PIEZO2: variants seen among roughly 807,000 people sequenced by gnomAD.
The protein encoded by PIEZO2 is piezo type mechanosensitive ion channel component 2.
In PIEZO2, 172 loss-of-function variants were observed where a neutral mutation model predicts 337.3. The observed-to-expected ratio is 0.51, with a 90% confidence interval of 0.45 to 0.58. The LOEUF is 0.58. Among genes scored for constraint, PIEZO2 ranks in the 20% least tolerant of loss-of-function variants. PIEZO2 has a pLI of 0.00. For synonymous variants in PIEZO2, 1,251 were observed against 1,228.5 expected, an observed-to-expected ratio of 1.02 and a Z score of -0.38; for missense variants, 3,028 against 3,391.3, an observed-to-expected ratio of 0.89 and a Z score of 2.66.
chr18:10,936,188 C>T (rs78978645), intron 3 of PIEZO2, among the ~76,000 whole-genome samples: 197 of 152,300 alleles, frequency 1.3e-3, no homozygotes, highest in African/African-American at 4.5e-3. Context: ...TGCTTTCTTT[C>T]GCAAAGCATG....
At chr18:10,817,469 T>C (rs2040395176) in intron 7 of PIEZO2, among the ~76,000 whole-genome samples, 1 of 152,146 alleles carries the variant, frequency 6.6e-6, no homozygotes, top group Non-Finnish European at 1.5e-5. Flanking sequence ...AGGCAGAGTG[T>C]AAAAAATTTA....
chr18:10,848,092 A>G lies in PIEZO2; in HGVS notation c.917+7261T>C, dbSNP rs925950946. Among the ~76,000 whole-genome samples the G allele has an allele frequency of 2.6e-5, 4 of 152,218 alleles. No homozygotes were observed. The South Asian group carries it at 8.3e-4, about 32-fold the overall frequency. Reference sequence around the variant, plus strand: ...AATGCAAGACAGGCACACTCTAGCAATCTTGATGGGGTGCAAAAGTACATT... The same window carrying G: ...AATGCAAGACAGGCACACTCTAGCAGTCTTGATGGGGTGCAAAAGTACATT... On this transcript the variant is annotated intron_variant, in intron 7 of 55. Coordinates refer to ENST00000674853, the MANE Select transcript of PIEZO2 (RefSeq NM_001378183.1).
chr18:10,755,924 T>A (rs1305861462), intron 27 of PIEZO2, among the ~76,000 whole-genome samples: 1 of 138,246 alleles, frequency 7.2e-6, no homozygotes, highest in African/African-American at 2.8e-5. Flanking sequence ...GGAGGAGGGA[T>A]GGGGGATAAG....
In PIEZO2 at chr18:11,049,646, G is replaced by A. The variant is rs115278444; in HGVS notation, c.160+16481C>T. The stretch of plus-strand genomic sequence containing the variant: ...GTGGTGGAAGGTAACTGAATCATGG[G>A]GATGGTTTCCCCCATACTGTTCTCA... On this transcript the variant is annotated intron_variant, in intron 2 of 55. Transcript: ENST00000674853. Among the ~76,000 whole-genome samples, 1,345 of 152,236 alleles carry A rather than the reference G, an allele frequency of 8.8e-3. 21 individuals are homozygous for A. Among genetic ancestry groups the A allele is most frequent in the African/African-American group, 0.031 (1,285 of 41,542 alleles).
rs2033814448 is a variant in PIEZO2, at chr18:10,672,299, T to C, written c.8345+391A>G. On this transcript the variant is annotated intron_variant, in intron 55 of 55. Coordinates refer to ENST00000674853, the MANE Select transcript of PIEZO2 (RefSeq NM_001378183.1). The surrounding 1 kb of genome is among the most constrained non-coding windows in gnomAD (Gnocchi z 4.7). The stretch of plus-strand genomic sequence containing the variant: ...ATGTGCGTGTCCTAGGATTTAAGCA[T>C]CAGAACATGATGCGATGTTTCAGAA... Among the ~76,000 whole-genome samples the C allele has an allele frequency of 6.6e-6, 1 of 152,152 alleles. No individual in the cohort carries two copies. Among genetic ancestry groups the C allele is most frequent in the South Asian group, 2.1e-4 (1 of 4,826 alleles).
rs2298742 is a variant in PIEZO2, at chr18:10,713,089, C to T, written c.5423+1675G>A. On this transcript the variant is annotated intron_variant, in intron 39 of 55. Coordinates refer to ENST00000674853, the MANE Select transcript of PIEZO2 (RefSeq NM_001378183.1). The surrounding 1 kb of genome is among the most constrained non-coding windows in gnomAD (Gnocchi z 4.5). ...ACACCCATGCACAGTGTTATCTGCA[C>T]GAATATTACTTCTAAATCAATCTAG... 0.055 allele frequency among the ~76,000 whole-genome samples: 8,438 copies of T among 152,042 alleles called. 449 individuals are homozygous for T. The highest frequency in any genetic ancestry group is 0.21 in the East Asian group (1,099 of 5,166).
intron 1 of PIEZO2, among the ~76,000 whole-genome samples, chr18:11,073,674 G>A (rs2038423842): frequency 6.6e-6 from 1 of 152,152 alleles, no homozygotes; most frequent in Non-Finnish European, 1.5e-5. Flanking sequence ...ACAGATGGCA[G>A]TCACAATTTT....
intron 45 of PIEZO2, 84 bp downstream of exon 45, chr18:10,697,664 C>G (rs954526641): frequency 6.6e-7 from 1 of 1,518,822 alleles, no homozygotes; most frequent in Non-Finnish European, 8.9e-7. Context: ...AGTTACTTCT[C>G]TGCTCTGCTC....
rs370437928 is a variant in PIEZO2 at position 10,680,194 on chromosome 18, A to G, written c.7952+5T>C. The stretch of plus-strand genomic sequence containing the variant: ...ATAAATTATACATGGAAATACAGTA[A>G]CTACCTCTGAATACTCCATGAAAAA... On this transcript the variant is annotated splice_donor_5th_base_variant and intron_variant, in intron 52 of 55. Transcript: ENST00000674853. 2.5e-6 allele frequency: 4 copies of G among 1,606,140 alleles called. No homozygotes were observed. In the African/African-American group the frequency reaches 5.4e-5, roughly 22 times the overall value.
rs2040818168 is a variant in PIEZO2 at position 11,146,609 on chromosome 18, CA to C, written c.64+1915del. Among the ~76,000 whole-genome samples, 1 of 152,204 alleles carries C rather than the reference CA, an allele frequency of 6.6e-6. No individual in the cohort carries two copies. The highest frequency in any genetic ancestry group is 2.4e-5 in the African/African-American group (1 of 41,462). ...AACCTTTAGTAGGACTGACAGGCCC[CA>C]ACCCCAGCATCCGCGGGGCTTGGAG... On this transcript the variant is annotated intron_variant, in intron 1 of 55. Coordinates refer to ENST00000674853, the MANE Select transcript of PIEZO2 (RefSeq NM_001378183.1). This position sits in a 1 kb window ranked among gnomAD's most constrained non-coding sequence, Gnocchi z 6.1.
Position 10,789,491 on chromosome 18 carries a change from T to C in PIEZO2, c.1883-126A>G, listed in dbSNP as rs999629560. On this transcript the variant is annotated intron_variant, in intron 14 of 55. Transcript: ENST00000674853. ...AGTTATTGTATAATTTGGATGATTT[T>C]AGACTATTCTCATAAACTCAGCAAC... 3 of 1,138,746 alleles carry C rather than the reference T, an allele frequency of 2.6e-6. No individual in the cohort carries two copies. The African/African-American group carries it at 4.7e-5, about 18-fold the overall frequency. 70.5% of individuals were successfully genotyped at this position (1,138,746 alleles called of 1,614,324 possible). A position where few individuals can be genotyped will look rare whatever the true frequency, so the allele number is the denominator to read the frequency against.
rs368463959 is a variant in PIEZO2, at chr18:11,019,698, C to T, written c.161-40038G>A. Among the ~76,000 whole-genome samples, 62 of 152,260 alleles carry T rather than the reference C, an allele frequency of 4.1e-4. 1 individual carries two copies. Among genetic ancestry groups the T allele is most frequent in the African/African-American group, 1.5e-3 (61 of 41,548 alleles). On this transcript the variant is annotated intron_variant, in intron 2 of 55. Coordinates refer to ENST00000674853, the MANE Select transcript of PIEZO2 (RefSeq NM_001378183.1). ...AGGCTGGACAGAGTGCACTTACCCC[C>T]CTACCCCAACACACAAGGGAGCAAT...
chr18:10,769,060 T>C (rs1220492345), intron 21 of PIEZO2, among the ~76,000 whole-genome samples: 1 of 152,246 alleles, frequency 6.6e-6, no homozygotes, highest in Non-Finnish European at 1.5e-5. Context: ...TCTCTGTGCA[T>C]TTTTTGTCAA....
Position 10,735,292 on chromosome 18 carries a change from C to CA in PIEZO2, c.4853dup (p.Leu1618PhefsTer7), listed in dbSNP as rs1414429753. ...TGGGAAGTTTAATGACAGACTTTGG[C>CA]AAGGCTAAAATGGCTGATGCAAACT... On this transcript the variant is annotated frameshift_variant, in exon 35 of 56. Transcript: ENST00000674853. LOFTEE classifies it high-confidence loss of function. 6.6e-6 allele frequency among the ~76,000 whole-genome samples: 1 copy of CA among 152,130 alleles called. No homozygotes were observed. Among genetic ancestry groups the CA allele is most frequent in the Non-Finnish European group, 1.5e-5 (1 of 68,034 alleles).
intron 47 of PIEZO2, among the ~76,000 whole-genome samples, chr18:10,692,237 G>A (rs532624038): frequency 6.6e-6 from 1 of 152,154 alleles, no homozygotes; most frequent in Admixed American, 6.5e-5. Flanking sequence ...TGAGCTATAG[G>A]ACCACTTTAA....
intron 4 of PIEZO2, among the ~76,000 whole-genome samples, chr18:10,896,026 C>T (rs771133699): frequency 2.7e-5 from 4 of 147,240 alleles, no homozygotes; most frequent in South Asian, 2.1e-4. Context: ...TGCCATTGCA[C>T]TCCAACCTGA....
At chr18:11,008,204 G>T (rs991882756) in intron 2 of PIEZO2, among the ~76,000 whole-genome samples, 1 of 152,030 alleles carries the variant, frequency 6.6e-6, no homozygotes, top group East Asian at 1.9e-4. Flanking sequence ...TTGCTAAATT[G>T]TCTAGATACT....
At chr18:11,123,088 C>G (rs2040077190) in intron 1 of PIEZO2, among the ~76,000 whole-genome samples, 1 of 152,032 alleles carries the variant, frequency 6.6e-6, no homozygotes, top group Admixed American at 6.6e-5. Context: ...ATGCTGCTTA[C>G]TATAACAGCT....
intron 2 of PIEZO2, among the ~76,000 whole-genome samples, chr18:11,039,500 T>C (rs1217826726): frequency 6.6e-6 from 1 of 152,172 alleles, no homozygotes; most frequent in Non-Finnish European, 1.5e-5. Context: ...CTGTCAAACA[T>C]TCAAGCAAAT....
Sources: allele counts gnomAD v4.1 joint callset (sites outside exome capture counted in the v4.1 genomes callset), GRCh38; gene constraint gnomAD v4.1.1; non-coding constraint Gnocchi (gnomAD v3.1); transcripts MANE v1.5; gene names NCBI Gene and HGNC (gene_info 2026-07-23, HGNC 2026-07-21).